COL8A1: variants seen among roughly 807,000 people sequenced by gnomAD.
COL8A1 encodes the protein collagen type VIII alpha 1 chain.
Under a neutral mutation model 42.7 loss-of-function variants are expected in COL8A1, and 21 were observed. The observed-to-expected ratio is 0.49, with a 90% CI of 0.35 to 0.71. The LOEUF is 0.71. Among genes scored for constraint, COL8A1 ranks in the 30% least tolerant of loss-of-function variants. The pLI is 0.01. For synonymous variants in COL8A1, 367 were observed against 369.1 expected (o/e 0.99, Z 0.06); for missense variants, 788 against 962.4 (o/e 0.82, Z 2.40).
chr3:99,766,129 A>G (rs1941458838), intron 2 of COL8A1, among the ~76,000 whole-genome samples: 1 of 152,248 alleles, frequency 6.6e-6, no homozygotes, highest in Non-Finnish European at 1.5e-5. Context: ...TATATACTGT[A>G]TATTAGTCAA....
intron 1 of COL8A1, among the ~76,000 whole-genome samples, chr3:99,742,063 A>T (rs993289671): frequency 1.6e-4 from 25 of 152,188 alleles, no homozygotes; most frequent in African/African-American, 6.0e-4. Context: ...CATTTTTAAA[A>T]ATTATTTTTA....
chr3:99,750,056 T>TC (rs1460913302), intron 2 of COL8A1, among the ~76,000 whole-genome samples: 1 of 134,174 alleles, frequency 7.5e-6, no homozygotes, highest in Non-Finnish European at 1.6e-5. Flanking sequence ...CTTCTTTTTT[T>TC]TTTTTTTTTT....
chr3:99,749,061 G>A (rs1941088962), intron 2 of COL8A1, among the ~76,000 whole-genome samples: 1 of 152,032 alleles, frequency 6.6e-6, no homozygotes, highest in Non-Finnish European at 1.5e-5. Flanking sequence ...TACCTACAAA[G>A]TCATTAAGAT....
intron 1 of COL8A1, among the ~76,000 whole-genome samples, chr3:99,725,381 G>A (rs763548408): frequency 6.6e-6 from 1 of 151,572 alleles, no homozygotes; most frequent in African/African-American, 2.4e-5. Context: ...AAGTGTTTTG[G>A]CACAGAGCTC....
chr3:99,757,183 A>G (rs1290265702), intron 2 of COL8A1, among the ~76,000 whole-genome samples: 3 of 152,194 alleles, frequency 2.0e-5, no homozygotes, highest in African/African-American at 7.2e-5. Flanking sequence ...TGCTGAATTT[A>G]AAGGGGAAAA....
At chr3:99,650,126 CCAAA>C (rs1442847719) in intron 1 of COL8A1, among the ~76,000 whole-genome samples, 2 of 152,150 alleles carry the variant, frequency 1.3e-5, no homozygotes. Context: ...TACTACTCCC[CCAAA>C]CATTCCTTTT....
intron 1 of COL8A1, among the ~76,000 whole-genome samples, chr3:99,645,592 C>T (rs1937626565): frequency 1.3e-5 from 2 of 151,782 alleles, no homozygotes; most frequent in Non-Finnish European, 2.9e-5. Context: ...CAGAAGGGGC[C>T]TTTAGATTTA....
intron 1 of COL8A1, among the ~76,000 whole-genome samples, chr3:99,736,389 T>A (rs190517084): frequency 1.0e-3 from 156 of 152,100 alleles, no homozygotes; most frequent in African/African-American, 3.1e-3. Flanking sequence ...ATCTTTTTTT[T>A]TTATTATTAT....
chr3:99,730,282 C>T (rs933290863), intron 1 of COL8A1, among the ~76,000 whole-genome samples: 2 of 152,098 alleles, frequency 1.3e-5, no homozygotes, highest in Non-Finnish European at 2.9e-5. Flanking sequence ...CTTCAGGAAC[C>T]ATAAGAATGT....
intron 1 of COL8A1, among the ~76,000 whole-genome samples, chr3:99,722,853 A>C (rs970105325): frequency 6.6e-6 from 1 of 152,270 alleles, no homozygotes. Flanking sequence ...ATTATGATTT[A>C]ATAAATAACG....
intron 1 of COL8A1, among the ~76,000 whole-genome samples, chr3:99,737,268 T>G (rs1178557208): frequency 6.6e-6 from 1 of 152,176 alleles, no homozygotes; most frequent in Non-Finnish European, 1.5e-5. Flanking sequence ...GATCCTGTCA[T>G]TATGATGTTA....
In COL8A1 at chr3:99,790,745, C is replaced by T. The variant is rs1040417923; in HGVS notation, c.63C>T (p.Ser21=). Residue 21 remains serine (S), a synonymous_variant, in exon 3 of 4, where the codon TCC becomes TCT. Coordinates refer to ENST00000652472, the MANE Select transcript of COL8A1 (RefSeq NM_020351.4). ...LGVLLTISLS[S]IRLIQAGAYY... ...TGCTGCTTACCATTTCCCTGAGTTC[C>T]ATCAGGCTCATTCAGGCTGGTGCCT... 2 of 1,614,204 alleles carry T rather than the reference C, an allele frequency of 1.2e-6. No homozygotes were observed. The highest frequency in any genetic ancestry group is 1.7e-5 in the Admixed American group (1 of 60,024).
intron 1 of COL8A1, among the ~76,000 whole-genome samples, chr3:99,671,761 G>T (rs563515331): frequency 6.6e-6 from 1 of 151,990 alleles, no homozygotes; most frequent in African/African-American, 2.4e-5. Flanking sequence ...ACAGTAAGAA[G>T]GTTCTTCACA....
intron 2 of COL8A1, among the ~76,000 whole-genome samples, chr3:99,773,820 T>TATATATATATATATATAA: frequency 1.6e-5 from 1 of 62,286 alleles, no homozygotes; most frequent in Non-Finnish European, 3.3e-5. Flanking sequence ...TGTGTGTATA[T>TATATATATATATATATAA]ATATATATAT....
chr3:99,788,394 G>A (rs773945426), intron 2 of COL8A1, among the ~76,000 whole-genome samples: 4 of 152,152 alleles, frequency 2.6e-5, no homozygotes, highest in Non-Finnish European at 5.9e-5. Flanking sequence ...TAAAGATTAT[G>A]AAGTATAATC....
intron 1 of COL8A1, among the ~76,000 whole-genome samples, chr3:99,669,146 T>C (rs377532131): frequency 0.019 from 2,211 of 115,378 alleles, 85 homozygotes; most frequent in African/African-American, 0.064. Context: ...TATATATATA[T>C]AGAGGGAGAG....
Position 99,733,417 on chromosome 3 carries a change from C to T in COL8A1, c.-128-11480C>T, listed in dbSNP as rs1174952994. Among the ~76,000 whole-genome samples the T allele has an allele frequency of 1.3e-4, 18 of 138,228 alleles. 1 individual carries two copies. The highest frequency in any genetic ancestry group is 2.8e-4 in the African/African-American group (10 of 35,720). 90.7% of individuals were successfully genotyped at this position (138,228 alleles called of 152,430 possible). ...TGTGGTGTTTGGTTTTTTGTTCTTG[C>T]GATAGTTTACTGAGAATGATGATTT... is the stretch of plus-strand genomic sequence containing the variant. On this transcript the variant is annotated intron_variant, in intron 1 of 3. Coordinates refer to ENST00000652472, the MANE Select transcript of COL8A1 (RefSeq NM_020351.4).
chr3:99,791,409 G>A (rs1041516178), intron 3 of COL8A1, among the ~76,000 whole-genome samples: 2 of 152,194 alleles, frequency 1.3e-5, no homozygotes, highest in Non-Finnish European at 2.9e-5. Flanking sequence ...AACTAAGAGA[G>A]CAATGTTGTA....
chr3:99,777,387 G>A (rs1282322771), intron 2 of COL8A1, among the ~76,000 whole-genome samples: 1 of 152,172 alleles, frequency 6.6e-6, no homozygotes, highest in Admixed American at 6.6e-5. Context: ...GTGAGATTCA[G>A]ATGGATGAAT....
Sources: gnomAD v4.1 joint callset for allele counts (sites outside exome capture counted in the v4.1 genomes callset) on GRCh38, gnomAD v4.1.1 for gene constraint, MANE v1.5 for transcripts, NCBI Gene and HGNC (gene_info 2026-07-23, HGNC 2026-07-21) for gene names.